SPAG16: variants seen among roughly 807,000 people sequenced by gnomAD.
SPAG16 encodes sperm-associated antigen 16 protein.
In SPAG16, 86 loss-of-function variants were observed where a neutral mutation model predicts 80.4. The ratio of observed to expected loss-of-function variants is 1.07; its 90% CI spans 0.90 to 1.28. SPAG16 has a LOEUF of 1.28. SPAG16 is among the 50% of genes most tolerant of loss of function. The pLI is 0.00. For missense variants in SPAG16, 870 were observed against 765.3 expected, an observed-to-expected ratio of 1.14 and a Z score of -1.61; for synonymous variants, 294 against 265.9, an observed-to-expected ratio of 1.11 and a Z score of -1.03.
In SPAG16 at chr2:213,575,411, T is replaced by G. The variant is rs931935348; in HGVS notation, c.1070+85321T>G. On this transcript the variant is annotated intron_variant, in intron 10 of 15. Transcript: ENST00000331683. The stretch of plus-strand genomic sequence containing the variant: ...AATAAAATTAAAGGGTATTTATTGA[T>G]TTCATTTACATTTTTCTTGACTTTT... Among the ~76,000 whole-genome samples the G allele has an allele frequency of 5.3e-5, 8 of 152,262 alleles. No homozygotes were observed. In the South Asian group the frequency reaches 1.7e-3, roughly 32 times the overall value.
chr2:213,508,421 A>C (rs1376161616), intron 10 of SPAG16, among the ~76,000 whole-genome samples: 1 of 151,344 alleles, frequency 6.6e-6, no homozygotes, highest in African/African-American at 2.4e-5. Context: ...AAATACAAAA[A>C]ATTAGCCGGG....
At chr2:213,295,499 A>T (rs2062462750) in intron 1 of SPAG16, among the ~76,000 whole-genome samples, 1 of 152,166 alleles carries the variant, frequency 6.6e-6, no homozygotes, top group Admixed American at 6.5e-5. Flanking sequence ...AAGATAATTT[A>T]AAAATGGAGA....
intron 10 of SPAG16, among the ~76,000 whole-genome samples, chr2:213,660,090 T>C (rs2063361033): frequency 6.6e-6 from 1 of 152,188 alleles, no homozygotes; most frequent in South Asian, 2.1e-4. Flanking sequence ...ATGTTGCTCA[T>C]GCACTTTAAT....
intron 10 of SPAG16, among the ~76,000 whole-genome samples, chr2:213,657,274 A>T (rs138280872): frequency 0.02 from 3,024 of 152,332 alleles, 44 homozygotes; most frequent in Middle Eastern, 0.044. Flanking sequence ...AGTATGTTTT[A>T]AGTCCTTCAA....
Position 213,483,214 on chromosome 2 carries a change from G to T in SPAG16, c.943-6749G>T, listed in dbSNP as rs139272834. 2.9e-3 allele frequency among the ~76,000 whole-genome samples: 444 copies of T among 152,144 alleles called. 3 individuals are homozygous for T. The highest frequency in any genetic ancestry group is 4.9e-3 in the Non-Finnish European group (332 of 67,968). Reference sequence around the variant, plus strand: ...TAAACACCCTTTATTTGAAATTTAGGTGTTTCTAGTCCTTCACTATAATAA... The same window carrying T: ...TAAACACCCTTTATTTGAAATTTAGTTGTTTCTAGTCCTTCACTATAATAA... On this transcript the variant is annotated intron_variant, in intron 9 of 15. Coordinates refer to ENST00000331683, the MANE Select transcript of SPAG16 (RefSeq NM_024532.5).
intron 12 of SPAG16, among the ~76,000 whole-genome samples, chr2:213,951,862 C>T (rs144354255): frequency 6.6e-6 from 1 of 151,998 alleles, no homozygotes; most frequent in Admixed American, 6.6e-5. Flanking sequence ...TTGAGATTCG[C>T]TAAAACCAAA....
chr2:213,870,792 A>G (rs2075915376), intron 11 of SPAG16, among the ~76,000 whole-genome samples: 2 of 152,128 alleles, frequency 1.3e-5, no homozygotes, highest in Admixed American at 6.6e-5. Context: ...CTCTAAGTCT[A>G]TTGGCCTGTC....
At chr2:214,202,038 G>T (rs1052981756) in intron 15 of SPAG16, among the ~76,000 whole-genome samples, 6 of 151,944 alleles carry the variant, frequency 3.9e-5, no homozygotes, top group African/African-American at 1.5e-4. Context: ...GTAGAAATGG[G>T]GTTTTGCCAC....
intron 15 of SPAG16, among the ~76,000 whole-genome samples, chr2:214,184,919 T>A (rs1378314026): frequency 6.6e-6 from 1 of 152,104 alleles, no homozygotes. Flanking sequence ...AAAATAGAAA[T>A]GAAAATTTTG....
intron 11 of SPAG16, among the ~76,000 whole-genome samples, chr2:213,908,622 C>T (rs1450229360): frequency 2.0e-5 from 3 of 151,972 alleles, no homozygotes; most frequent in Non-Finnish European, 4.4e-5. Context: ...CCTCTCAGCT[C>T]CTTTTGTTTG....
intron 13 of SPAG16, among the ~76,000 whole-genome samples, chr2:214,047,057 A>G (rs1471033332): frequency 6.6e-6 from 1 of 152,202 alleles, no homozygotes; most frequent in Non-Finnish European, 1.5e-5. Flanking sequence ...ATGGAAAGAT[A>G]TTCCATGTTC....
chr2:213,896,454 G>A (rs2076992497), intron 11 of SPAG16, among the ~76,000 whole-genome samples: 1 of 151,574 alleles, frequency 6.6e-6, no homozygotes, highest in African/African-American at 2.4e-5. Context: ...ATAATCAAAA[G>A]AAAGGAAATC....
intron 10 of SPAG16, among the ~76,000 whole-genome samples, chr2:213,827,071 G>T (rs1009553956): frequency 6.6e-6 from 1 of 151,762 alleles, no homozygotes; most frequent in Non-Finnish European, 1.5e-5. Flanking sequence ...TTCTTCTTAT[G>T]TGTATCTTTA....
chr2:213,773,162 T>A (rs2069361523), intron 10 of SPAG16, among the ~76,000 whole-genome samples: 1 of 152,166 alleles, frequency 6.6e-6, no homozygotes, highest in Non-Finnish European at 1.5e-5. Flanking sequence ...TAGTGTCTTA[T>A]AATTTTGTTT....
chr2:214,294,321 G>C (rs999113979), intron 15 of SPAG16, among the ~76,000 whole-genome samples: 1 of 152,122 alleles, frequency 6.6e-6, no homozygotes, highest in African/African-American at 2.4e-5. Flanking sequence ...GCTTCTTCCA[G>C]CTCCCAGTCA....
intron 15 of SPAG16, among the ~76,000 whole-genome samples, chr2:214,394,274 G>C (rs898822006): frequency 6.6e-6 from 1 of 151,580 alleles, no homozygotes; most frequent in Non-Finnish European, 1.5e-5. Flanking sequence ...CTAATAATTT[G>C]AGCTTTATTT....
In SPAG16 at chr2:214,182,916, A is replaced by G. The variant is rs572832791; in HGVS notation, c.1720+33650A>G. ...TTTTATTTTATTACTGTGGCCATCAATTATGTGCTTCTTATATCCCAATTA... is the reference window on the plus strand; with the variant it reads ...TTTTATTTTATTACTGTGGCCATCAGTTATGTGCTTCTTATATCCCAATTA... On this transcript the variant is annotated intron_variant, in intron 15 of 15. Coordinates refer to ENST00000331683, the MANE Select transcript of SPAG16 (RefSeq NM_024532.5). Among the ~76,000 whole-genome samples, 56 of 152,032 alleles carry G rather than the reference A, an allele frequency of 3.7e-4. 3 individuals carry two copies. In the South Asian group the frequency reaches 0.011, roughly 31 times the overall value.
intron 10 of SPAG16, among the ~76,000 whole-genome samples, chr2:213,813,817 A>G (rs1267671964): frequency 6.6e-6 from 1 of 152,180 alleles, no homozygotes; most frequent in Non-Finnish European, 1.5e-5. Context: ...TCTCCCCACC[A>G]TGGCAAGAAG....
At chr2:213,396,542 G>T in intron 9 of SPAG16, 1 of 384,214 alleles carries the variant, frequency 2.6e-6, no homozygotes. Flanking sequence ...AAGCTTATGA[G>T]CTCAGTGCGA....
Sources: gnomAD v4.1 joint callset for allele counts (sites outside exome capture counted in the v4.1 genomes callset) on GRCh38, gnomAD v4.1.1 for gene constraint, MANE v1.5 for transcripts, NCBI Gene and HGNC (gene_info 2026-07-23, HGNC 2026-07-21) for gene names.